The following MTR variants were observed in gnomAD, a reference collection of about 807,000 sequenced individuals.
MTR encodes 5-methyltetrahydrofolate-homocysteine methyltransferase.
In MTR, 84 loss-of-function variants were observed where a neutral mutation model predicts 154.8. The ratio of observed to expected loss-of-function variants is 0.54; its 90% confidence interval spans 0.45 to 0.65. MTR has a LOEUF of 0.65. Among genes scored for constraint, MTR ranks in the 30% least tolerant of loss-of-function variants. The pLI is 0.00. For missense variants in MTR, 1,275 were observed against 1,570.2 expected, an observed-to-expected ratio of 0.81 and a Z score of 3.18; for synonymous variants, 554 against 553.9, an observed-to-expected ratio of 1.00 and a Z score of 0.00.
At chr1:236,826,512 T>C (rs1240262098) in intron 10 of MTR, among the ~76,000 whole-genome samples, 1 of 152,146 alleles carries the variant, frequency 6.6e-6, no homozygotes, top group Non-Finnish European at 1.5e-5. Context: ...CCCAGGCTGG[T>C]CTCAAATTCC....
At chr1:236,863,878 A>G (rs371051340) in intron 22 of MTR, among the ~76,000 whole-genome samples, 5 of 152,230 alleles carry the variant, frequency 3.3e-5, no homozygotes, top group African/African-American at 1.2e-4. Flanking sequence ...GCTCCTTCCC[A>G]TGGCCAGTGG....
At chr1:236,874,889 T>C in intron 24 of MTR, 43 bp downstream of exon 24, 1 of 1,606,004 alleles carries the variant, frequency 6.2e-7, no homozygotes, top group Non-Finnish European at 8.5e-7. Context: ...CAAATTTTCT[T>C]ATATGCCAGT....
chr1:236,797,963 A>AAAAC (rs1660492643), intron 1 of MTR, among the ~76,000 whole-genome samples: 1 of 149,456 alleles, frequency 6.7e-6, no homozygotes. Context: ...GTCTCCAAAA[A>AAAAC]AAAACAAAAC....
At chr1:236,852,215 T>C (rs1663941580) in intron 16 of MTR, among the ~76,000 whole-genome samples, 1 of 151,954 alleles carries the variant, frequency 6.6e-6, no homozygotes, top group Non-Finnish European at 1.5e-5. Context: ...TTCTAGTAAT[T>C]TGTACTTTCA....
chr1:236,839,451 AAAAGT>A (rs1241769152), intron 15 of MTR, among the ~76,000 whole-genome samples: 12 of 152,216 alleles, frequency 7.9e-5, no homozygotes, highest in African/African-American at 2.9e-4. Flanking sequence ...TAAAGAAATA[AAAAGT>A]AAAGAAATAA....
At chr1:236,871,985 G>A (rs1665161132) in intron 22 of MTR, among the ~76,000 whole-genome samples, 2 of 152,012 alleles carry the variant, frequency 1.3e-5, no homozygotes, top group African/African-American at 4.8e-5. Context: ...GTAGTCTTAA[G>A]CATTCTTTTT....
chr1:236,837,568 G>A (rs1662980323), intron 14 of MTR, among the ~76,000 whole-genome samples: 1 of 152,138 alleles, frequency 6.6e-6, no homozygotes, highest in African/African-American at 2.4e-5. Flanking sequence ...GCCTAATATG[G>A]TAGTCACTTA....
chr1:236,825,140 A>ATTTTTTTTTTTTTTTT (rs749672025), intron 9 of MTR, among the ~76,000 whole-genome samples, 198 bp from the exon 10 acceptor site: 6 of 114,134 alleles, frequency 5.3e-5, no homozygotes, highest in Admixed American at 9.1e-5. Context: ...TTCCTCTGTG[A>ATTTTTTTTTTTTTTTT]TTTTTTTTTT....
intron 22 of MTR, among the ~76,000 whole-genome samples, chr1:236,868,821 G>GTAT: frequency 6.6e-6 from 1 of 152,216 alleles, no homozygotes; most frequent in Non-Finnish European, 1.5e-5. Context: ...ACGTTCAGCT[G>GTAT]AGTGAGGAAC....
chr1:236,886,420 C>G (rs1666014035), intron 27 of MTR, 53 bp downstream of exon 27: 1 of 1,541,960 alleles, frequency 6.5e-7, no homozygotes. Context: ...TGACAGTGTG[C>G]TGAGGAAATA....
intron 22 of MTR, among the ~76,000 whole-genome samples, chr1:236,870,715 G>A (rs1665080006): frequency 6.6e-6 from 1 of 152,084 alleles, no homozygotes; most frequent in South Asian, 2.1e-4. Flanking sequence ...ATATCCAGTG[G>A]ACTCCCTGAC....
At chr1:236,805,198 T>C (rs970064335) in intron 2 of MTR, among the ~76,000 whole-genome samples, 50 of 152,264 alleles carry the variant, frequency 3.3e-4, no homozygotes, top group African/African-American at 1.2e-3. Context: ...TCCAGGTTGC[T>C]AGTCAGATTG....
At position 236,894,547 on chromosome 1, in the gene MTR, G is replaced by A. The variant is rs1305962485; in HGVS notation, c.3395G>A (p.Arg1132Gln). The A allele has an allele frequency of 3.1e-6, 5 of 1,614,086 alleles. No individual in the cohort carries two copies. Among genetic ancestry groups the A allele is most frequent in the South Asian group, 1.1e-5 (1 of 91,084 alleles). Reference protein sequence around the residue: ...SSIMVKALGDRLAEAFAEELH... With the variant: ...SSIMVKALGDQLAEAFAEELH... ...ATCATGGTCAAGGCGCTGGGGGACC[G>A]GCTGGCAGAGGTAAGGCAGAGGCAT... Residue 1132 changes from arginine (R) to glutamine (Q), a missense_variant, in exon 30 of 33, where the codon CGG becomes CAG. By Grantham distance (43) the Arg-to-Gln change is conservative. Transcript: ENST00000366577.
At chr1:236,832,579 T>C (rs1014932107) in intron 13 of MTR, among the ~76,000 whole-genome samples, 5 of 152,222 alleles carry the variant, frequency 3.3e-5, no homozygotes, top group Non-Finnish European at 5.9e-5. Context: ...CCATGGTGTT[T>C]TTAAGCTCAG....
At position 236,902,898 on chromosome 1, in the gene MTR, A is replaced by T. The variant is rs1666984172; in HGVS notation, c.*5254A>T. On this transcript the variant is annotated 3_prime_UTR_variant, in exon 33 of 33. Transcript: ENST00000366577. ...TACTTGCTATAAATCAGCTATGTGT[A>T]TTGTCAAATTGTAGAACTGAAAGTA... The T allele has an allele frequency of 6.6e-6, 1 of 152,246 alleles. No individual in the cohort carries two copies. Among genetic ancestry groups the T allele is most frequent in the Admixed American group, 6.5e-5 (1 of 15,292 alleles). 9.4% of individuals were successfully genotyped at this position (152,246 alleles called of 1,614,324 possible).
At chr1:236,831,374 C>T (rs1662601579) in intron 12 of MTR, among the ~76,000 whole-genome samples, 1 of 152,180 alleles carries the variant, frequency 6.6e-6, no homozygotes, top group Non-Finnish European at 1.5e-5. Context: ...ACCAGAAGTC[C>T]ACCTGGCTTA....
chr1:236,889,207 G>T lies in MTR; in HGVS notation c.2878G>T (p.Val960Phe), dbSNP rs1219705047. 1 of 1,614,080 alleles carries T rather than the reference G, an allele frequency of 6.2e-7. No individual in the cohort carries two copies. Among genetic ancestry groups the T allele is most frequent in the Non-Finnish European group, 8.5e-7 (1 of 1,180,042 alleles). ...GAAGCCCACGTTTATTGGGACCCAG[G>T]TCTTTGAAGACTATGACCTGCAGAA... ...PVKPTFIGTQ[V>F]FEDYDLQKLV... is the part of the protein sequence containing the mutation. Residue 960 changes from valine (V) to phenylalanine (F), a missense_variant, in exon 28 of 33, where the codon GTC becomes TTC. Coordinates refer to ENST00000366577, the MANE Select transcript of MTR (RefSeq NM_000254.3).
Position 236,897,406 on chromosome 1 carries a change from G to T in MTR, c.3712-152G>T, listed in dbSNP as rs181956408. On this transcript the variant is annotated intron_variant, in intron 32 of 32. Coordinates refer to ENST00000366577, the MANE Select transcript of MTR (RefSeq NM_000254.3). ...TTCTGCCCAGAGAAAAAGGCAACTT[G>T]GTAGATAAATATCTATCTCCATTTA... 2,029 of 796,942 alleles carry T rather than the reference G, an allele frequency of 2.5e-3. 8 individuals carry two copies. The highest frequency in any genetic ancestry group is 3.4e-3 in the Non-Finnish European group (1,616 of 481,236). 49.4% of individuals were successfully genotyped at this position (796,942 alleles called of 1,614,324 possible).
chr1:236,894,629 G>A (rs1423672328), intron 30 of MTR, 72 bp downstream of exon 30: 130 of 1,509,356 alleles, frequency 8.6e-5, no homozygotes, highest in Non-Finnish European at 1.0e-4. Flanking sequence ...GTGGGTGCCT[G>A]AAGACTGATC....
Sources: gnomAD v4.1 joint callset for allele counts (sites outside exome capture counted in the v4.1 genomes callset) on GRCh38, gnomAD v4.1.1 for gene constraint, MANE v1.5 for transcripts, NCBI Gene and HGNC (gene_info 2026-07-23, HGNC 2026-07-21) for gene names.